DNAH7: variants seen among roughly 807,000 people sequenced by gnomAD.
The protein encoded by DNAH7 is dynein axonemal heavy chain 7, also known as axonemal beta dynein heavy chain 7.
DNAH7 carries 397 observed loss-of-function variants against 444.6 expected under a neutral mutation model. That is an observed-to-expected ratio of 0.89 (90% CI 0.82 to 0.97). The LOEUF (loss-of-function observed/expected upper bound fraction) is 0.97. Among genes scored for constraint, DNAH7 ranks in the 50% least tolerant of loss-of-function variants. DNAH7 has a pLI of 0.00. For missense variants in DNAH7, 4,902 were observed against 4,800.8 expected (o/e 1.02, Z -0.62); for synonymous variants, 1,636 against 1,624.4 (o/e 1.01, Z -0.17).
intron 19 of DNAH7, among the ~76,000 whole-genome samples, chr2:195,944,402 C>A (rs1404163293): frequency 6.6e-6 from 1 of 152,158 alleles, no homozygotes; most frequent in African/African-American, 2.4e-5. Context: ...GAAACAGGAT[C>A]TCTGGTAAGT....
intron 19 of DNAH7, among the ~76,000 whole-genome samples, chr2:195,937,720 T>C (rs183533004): frequency 2.0e-5 from 3 of 152,298 alleles, no homozygotes. Flanking sequence ...ATGGTTGATG[T>C]CATCTGGGTC....
At position 195,872,440 on chromosome 2, in the gene DNAH7, A is replaced by C. The variant is rs1160150007; in HGVS notation, c.6443T>G (p.Leu2148Trp). The C allele has an allele frequency of 2.5e-6, 4 of 1,595,086 alleles. No individual in the cohort carries two copies. In the South Asian group the frequency reaches 4.7e-5, roughly 19 times the overall value. The stretch of plus-strand genomic sequence containing the variant: ...TGTGCCATTTACGATTTGTGTGGTC[A>C]AATCTAGAAATTCATCTGGAAATTT... ...CYKFPDEFLD[L>W]TTQIVNGTMT... Residue 2148 changes from leucine to tryptophan, a missense_variant, in exon 40 of 65, where the codon TTG (leucine) becomes TGG (tryptophan). Transcript: ENST00000312428.
intron 57 of DNAH7, among the ~76,000 whole-genome samples, chr2:195,788,668 C>A (rs919728113): frequency 1.3e-5 from 2 of 152,202 alleles, no homozygotes; most frequent in South Asian, 4.1e-4. Context: ...GAGAATTGAG[C>A]AAATCAGTAA....
intron 5 of DNAH7, among the ~76,000 whole-genome samples, chr2:196,029,150 ATTG>A (rs1202472464): frequency 6.6e-6 from 1 of 152,194 alleles, no homozygotes; most frequent in Non-Finnish European, 1.5e-5. Flanking sequence ...ACCTCATTAC[ATTG>A]TTGACTACAC....
Position 195,740,654 on chromosome 2 carries a change from CACACACAT to C in DNAH7, c.11868+104_11868+111del, listed in dbSNP as rs1559062412. On this transcript the variant is annotated intron_variant, in intron 64 of 64. Coordinates refer to ENST00000312428, the MANE Select transcript of DNAH7 (RefSeq NM_018897.3). The stretch of plus-strand genomic sequence containing the variant: ...ATATATATATATATATACATATACA[CACACACAT>C]ATGTATACACATATATACACACAAT... The C allele has an allele frequency of 4.0e-4, 19 of 47,840 alleles. No individual in the cohort carries two copies. In the East Asian group the frequency reaches 4.4e-3, roughly 11 times the overall value. 3.0% of individuals were successfully genotyped at this position (47,840 alleles called of 1,614,324 possible).
chr2:195,897,796 A>G, intron 28 of DNAH7, 31 bp from the exon 29 acceptor site: 1 of 1,327,862 alleles, frequency 7.5e-7, no homozygotes, highest in East Asian at 2.3e-5. Context: ...TCATGAGGAT[A>G]TCTGCATCTC....
intron 20 of DNAH7, among the ~76,000 whole-genome samples, chr2:195,935,165 A>G (rs536239028): frequency 2.0e-5 from 3 of 152,226 alleles, no homozygotes; most frequent in African/African-American, 7.2e-5. Context: ...CAAATGCACA[A>G]AAGTAGCCAT....
At position 195,890,783 on chromosome 2, in the gene DNAH7, A is replaced by G. The variant is rs150033520; in HGVS notation, c.5046+872T>C. Reference sequence around the variant, plus strand: ...TTCCAGCAATAAGAGCAGAGCTGAGATTTCACGTTTTATCCATTATTACCT... The same window carrying G: ...TTCCAGCAATAAGAGCAGAGCTGAGGTTTCACGTTTTATCCATTATTACCT... On this transcript the variant is annotated intron_variant, in intron 31 of 64. Coordinates refer to ENST00000312428, the MANE Select transcript of DNAH7 (RefSeq NM_018897.3). Among the ~76,000 whole-genome samples, 551 of 152,276 alleles carry G rather than the reference A, an allele frequency of 3.6e-3. 1 individual carries two copies. The highest frequency in any genetic ancestry group is 5.9e-3 in the Non-Finnish European group (404 of 68,016).
chr2:196,020,759 C>T (rs776690340), intron 8 of DNAH7, among the ~76,000 whole-genome samples: 4 of 151,914 alleles, frequency 2.6e-5, no homozygotes, highest in South Asian at 2.1e-4. Flanking sequence ...TACAAGTGCA[C>T]GCCACCATGC....
intron 5 of DNAH7, among the ~76,000 whole-genome samples, chr2:196,037,935 C>T (rs889587274): frequency 1.3e-5 from 2 of 151,988 alleles, no homozygotes; most frequent in African/African-American, 4.8e-5. Context: ...CTCTGTGGCA[C>T]AACATATATA....
intron 17 of DNAH7, among the ~76,000 whole-genome samples, chr2:195,962,503 C>A (rs1691178524): frequency 6.6e-6 from 1 of 152,074 alleles, no homozygotes; most frequent in Non-Finnish European, 1.5e-5. Context: ...GCACATGCCA[C>A]CATGCCTGGC....
In DNAH7 at chr2:195,865,748, G is replaced by T. The variant is rs540956415; in HGVS notation, c.6634-727C>A. On this transcript the variant is annotated intron_variant, in intron 40 of 64. Transcript: ENST00000312428. ...TTATGTTGAAGCCATAACTCTCAAT[G>T]TGACTGGATTTGGGGATAGGGCCTT... 3.3e-5 allele frequency among the ~76,000 whole-genome samples: 5 copies of T among 152,260 alleles called. No individual in the cohort carries two copies. The East Asian group carries it at 9.6e-4, about 29-fold the overall frequency.
At chr2:196,040,194 G>A (rs1219381785) in intron 5 of DNAH7, among the ~76,000 whole-genome samples, 1 of 152,086 alleles carries the variant, frequency 6.6e-6, no homozygotes, top group East Asian at 1.9e-4. Flanking sequence ...AACTTGAAGA[G>A]AAAGGAATTT....
At chr2:195,882,092 G>T in intron 35 of DNAH7, 100 bp from the exon 36 acceptor site, 1 of 887,974 alleles carries the variant, frequency 1.1e-6, no homozygotes, top group East Asian at 2.6e-5. Flanking sequence ...AACAAACCCT[G>T]ATATGTATAC....
At chr2:196,051,486 C>CA (rs1260539546) in intron 2 of DNAH7, among the ~76,000 whole-genome samples, 1 of 152,044 alleles carries the variant, frequency 6.6e-6, no homozygotes, top group Non-Finnish European at 1.5e-5. Flanking sequence ...AAAAAGTATG[C>CA]AAAACCGGCC....
chr2:195,917,393 C>G (rs1226423073), intron 24 of DNAH7, among the ~76,000 whole-genome samples: 1 of 152,110 alleles, frequency 6.6e-6, no homozygotes, highest in African/African-American at 2.4e-5. Context: ...CTCCCAAGTG[C>G]TGGCAGGCCA....
At chr2:195,817,604 A>T in intron 50 of DNAH7, 92 bp downstream of exon 50, 1 of 1,324,080 alleles carries the variant, frequency 7.6e-7, no homozygotes, top group Non-Finnish European at 1.0e-6. Context: ...TATTCCTATT[A>T]AATCTAACAA....
At position 195,957,379 on chromosome 2, in the gene DNAH7, C is replaced by A; in HGVS notation, c.2960G>T (p.Trp987Leu). 6.2e-7 allele frequency: 1 copy of A among 1,605,366 alleles called. No individual in the cohort carries two copies. Among genetic ancestry groups the A allele is most frequent in the South Asian group, 1.1e-5 (1 of 89,922 alleles). Residue 987 changes from tryptophan (W) to leucine (L), a missense_variant, in exon 19 of 65, where the codon TGG (tryptophan) becomes TTG (leucine). Trp to Leu is a moderately conservative substitution (Grantham distance 61). Coordinates refer to ENST00000312428, the MANE Select transcript of DNAH7 (RefSeq NM_018897.3). ...GCTGAAAATGGGCTCCAGATACAGCCACGTGGCTTGGACTTTGAGCCATTC... is the reference window on the plus strand; with the variant it reads ...GCTGAAAATGGGCTCCAGATACAGCAACGTGGCTTGGACTTTGAGCCATTC... ...LDEWLKVQAT[W>L]LYLEPIFSSP... is the part of the protein sequence containing the mutation.
At chr2:195,776,993 T>A (rs1194267514) in intron 59 of DNAH7, among the ~76,000 whole-genome samples, 1 of 152,210 alleles carries the variant, frequency 6.6e-6, no homozygotes, top group Non-Finnish European at 1.5e-5. Context: ...GTTGACTTGC[T>A]GTACCCAACA....
Sources: gnomAD v4.1 joint callset for allele counts (sites outside exome capture counted in the v4.1 genomes callset) on GRCh38, gnomAD v4.1.1 for gene constraint, MANE v1.5 for transcripts, NCBI Gene and HGNC (gene_info 2026-07-23, HGNC 2026-07-21) for gene names.